Variants in FHOD3 observed in about 807,000 individuals in gnomAD.
FHOD3 encodes FH1/FH2 domain-containing protein 3.
FHOD3 carries 90 observed loss-of-function variants against 173.0 expected under a neutral mutation model. The ratio of observed to expected loss-of-function variants is 0.52; its 90% confidence interval spans 0.44 to 0.62. The LOEUF is 0.62. Ranked by LOEUF, FHOD3 falls within the 20% of genes least tolerant of loss-of-function variation. FHOD3 has a pLI of 0.00. For missense variants in FHOD3, 1,945 were observed against 2,034.7 expected, an observed-to-expected ratio of 0.96 and a Z score of 0.85; for synonymous variants, 828 against 823.0, an observed-to-expected ratio of 1.01 and a Z score of -0.10.
intron 24 of FHOD3, among the ~76,000 whole-genome samples, chr18:36,747,555 G>T (rs2042207796): frequency 6.6e-6 from 1 of 152,234 alleles, no homozygotes; most frequent in Non-Finnish European, 1.5e-5. Flanking sequence ...TCCAGTAACA[G>T]ATCCTCCAAC....
At chr18:36,433,951 A>T (rs1218676548) in intron 3 of FHOD3, among the ~76,000 whole-genome samples, 1 of 152,184 alleles carries the variant, frequency 6.6e-6, no homozygotes, top group Non-Finnish European at 1.5e-5. Context: ...GGTTTAGAAC[A>T]TGCTCATGTT....
intron 1 of FHOD3, among the ~76,000 whole-genome samples, chr18:36,316,914 C>A (rs1023898303): frequency 3.3e-5 from 5 of 152,006 alleles, no homozygotes; most frequent in African/African-American, 1.2e-4. Context: ...TGATGTTCCC[C>A]TCCCTGTGTC....
At chr18:36,648,512 T>C (rs7234814) in intron 10 of FHOD3, among the ~76,000 whole-genome samples, 12,331 of 152,224 alleles carry the variant, frequency 0.081, 874 homozygotes, top group East Asian at 0.24. Context: ...AATTTATTAT[T>C]TTCCATTAGT....
At chr18:36,451,205 A>G (rs1435742526) in intron 3 of FHOD3, among the ~76,000 whole-genome samples, 1 of 152,222 alleles carries the variant, frequency 6.6e-6, no homozygotes, top group African/African-American at 2.4e-5. Context: ...CTGATCCCAA[A>G]TCAATCTAAT....
At chr18:36,386,221 T>C (rs1436693898) in intron 3 of FHOD3, among the ~76,000 whole-genome samples, 1 of 152,152 alleles carries the variant, frequency 6.6e-6, no homozygotes, top group African/African-American at 2.4e-5. Context: ...TTTTTATGAC[T>C]TGTTTGGCCT....
intron 1 of FHOD3, among the ~76,000 whole-genome samples, chr18:36,329,780 G>C (rs1199258047): frequency 6.6e-6 from 1 of 151,542 alleles, no homozygotes; most frequent in Admixed American, 6.6e-5. Context: ...ATGGACCCAA[G>C]AGCCACATCC....
chr18:36,476,275 C>T (rs2053570487), intron 3 of FHOD3, among the ~76,000 whole-genome samples: 1 of 152,172 alleles, frequency 6.6e-6, no homozygotes, highest in African/African-American at 2.4e-5. Context: ...CACAGGCTGT[C>T]AGAGGGCCTG....
intron 3 of FHOD3, among the ~76,000 whole-genome samples, chr18:36,415,477 T>G (rs904587889): frequency 1.3e-5 from 2 of 152,202 alleles, no homozygotes; most frequent in Admixed American, 1.3e-4. Context: ...CTTAAAACCT[T>G]GTCAGCACGC....
chr18:36,603,064 A>G (rs2031606323), intron 8 of FHOD3, among the ~76,000 whole-genome samples: 1 of 151,934 alleles, frequency 6.6e-6, no homozygotes, highest in Non-Finnish European at 1.5e-5. Context: ...ATTGAGGATG[A>G]GGCAAAGACA....
intron 3 of FHOD3, among the ~76,000 whole-genome samples, chr18:36,419,157 A>C (rs2049848365): frequency 6.6e-6 from 1 of 152,000 alleles, no homozygotes; most frequent in Admixed American, 6.6e-5. Flanking sequence ...ATGTTGTGAA[A>C]TAACATTGGA....
At chr18:36,764,663 A>C (rs1205506174) in intron 27 of FHOD3, among the ~76,000 whole-genome samples, 1 of 152,134 alleles carries the variant, frequency 6.6e-6, no homozygotes, top group Non-Finnish European at 1.5e-5. Context: ...GCGAGAAAAG[A>C]TGTTGGTGGG....
chr18:36,370,960 A>G (rs1489214209), intron 2 of FHOD3, among the ~76,000 whole-genome samples: 1 of 152,234 alleles, frequency 6.6e-6, no homozygotes, highest in Non-Finnish European at 1.5e-5. Flanking sequence ...GAAGAGTTGA[A>G]GGAGTGTTCA....
intron 3 of FHOD3, among the ~76,000 whole-genome samples, chr18:36,406,002 G>A (rs949651605): frequency 6.6e-6 from 1 of 152,084 alleles, no homozygotes; most frequent in Admixed American, 6.6e-5. Flanking sequence ...TAATGGTGAG[G>A]TGTCAAATTC....
intron 5 of FHOD3, among the ~76,000 whole-genome samples, chr18:36,529,648 G>C (rs1281123199): frequency 6.6e-6 from 1 of 151,864 alleles, no homozygotes; most frequent in African/African-American, 2.4e-5. Context: ...GTGAAACCCT[G>C]TCTCTACTAA....
intron 5 of FHOD3, among the ~76,000 whole-genome samples, chr18:36,556,443 G>A (rs1360567324): frequency 6.6e-6 from 1 of 152,142 alleles, no homozygotes; most frequent in Non-Finnish European, 1.5e-5. Context: ...ACTTGAGTAT[G>A]CACAGGTTTT....
At chr18:36,531,875 G>A (rs1191212229) in intron 5 of FHOD3, among the ~76,000 whole-genome samples, 2 of 152,210 alleles carry the variant, frequency 1.3e-5, no homozygotes, top group African/African-American at 2.4e-5. Context: ...GGCTATTCCT[G>A]TGCGTGTCAC....
At chr18:36,575,382 C>G (rs1053198054) in intron 5 of FHOD3, among the ~76,000 whole-genome samples, 1 of 152,196 alleles carries the variant, frequency 6.6e-6, no homozygotes, top group African/African-American at 2.4e-5. Context: ...TTTGCTCTTT[C>G]TAATCAACGT....
At chr18:36,426,264 C>T (rs2147163987) in intron 3 of FHOD3, among the ~76,000 whole-genome samples, 1 of 152,220 alleles carries the variant, frequency 6.6e-6, no homozygotes, top group Middle Eastern at 3.4e-3. Context: ...TGTTATTTTT[C>T]TCATCTTTCA....
intron 28 of FHOD3, among the ~76,000 whole-genome samples, chr18:36,776,350 T>C (rs949154461): frequency 6.6e-6 from 1 of 152,090 alleles, no homozygotes; most frequent in African/African-American, 2.4e-5. Context: ...GTACATGATG[T>C]TTGATGAATG....
Sources: gnomAD v4.1 joint callset for allele counts (sites outside exome capture counted in the v4.1 genomes callset) on GRCh38, gnomAD v4.1.1 for gene constraint, MANE v1.5 for transcripts, NCBI Gene and HGNC (gene_info 2026-07-23, HGNC 2026-07-21) for gene names.